Variants in MAN1A1 observed in about 807,000 individuals in gnomAD.
The protein encoded by MAN1A1 is mannosyl-oligosaccharide 1,2-alpha-mannosidase IA.
A neutral mutation model predicts 70.8 loss-of-function variants in MAN1A1; 29 were observed. The ratio of observed to expected loss-of-function variants is 0.41; its 90% CI spans 0.31 to 0.56. The LOEUF (loss-of-function observed/expected upper bound fraction) is 0.56, where lower values mean the gene tolerates loss of function less well. Ranked by LOEUF, MAN1A1 falls within the 20% of genes least tolerant of loss-of-function variation. MAN1A1 has a pLI of 0.29. For missense variants in MAN1A1, 747 were observed against 841.3 expected (o/e 0.89, Z 1.39); for synonymous variants, 349 against 330.1 (o/e 1.06, Z -0.62).
intron 2 of MAN1A1, among the ~76,000 whole-genome samples, chr6:119,328,427 C>G (rs1435507874): frequency 6.6e-6 from 1 of 152,224 alleles, no homozygotes; most frequent in Non-Finnish European, 1.5e-5. Flanking sequence ...TATATCTTCA[C>G]AGGGTTGGAC....
chr6:119,227,072 A>G (rs1328912783), intron 6 of MAN1A1, among the ~76,000 whole-genome samples: 3 of 152,250 alleles, frequency 2.0e-5, no homozygotes, highest in Non-Finnish European at 2.9e-5. Flanking sequence ...TATTCATACA[A>G]TGAAATACTA....
At chr6:119,250,512 C>T (rs1775286834) in intron 5 of MAN1A1, among the ~76,000 whole-genome samples, 1 of 152,154 alleles carries the variant, frequency 6.6e-6, no homozygotes, top group Non-Finnish European at 1.5e-5. Flanking sequence ...GACTTTAAGA[C>T]ACGTAGTAAA....
At chr6:119,347,331 T>C (rs1200910499) in intron 2 of MAN1A1, among the ~76,000 whole-genome samples, 1 of 152,214 alleles carries the variant, frequency 6.6e-6, no homozygotes, top group Non-Finnish European at 1.5e-5. Context: ...GATCAGGGAC[T>C]TCCTCTCCTG....
chr6:119,229,327 C>T (rs1774611753), intron 6 of MAN1A1, among the ~76,000 whole-genome samples: 1 of 152,028 alleles, frequency 6.6e-6, no homozygotes, highest in African/African-American at 2.4e-5. Flanking sequence ...AGCTCCATCC[C>T]AGAGATGAGC....
rs114760748 is a variant in MAN1A1 at position 119,284,383 on chromosome 6, C to T, written c.897+6300G>A. The stretch of plus-strand genomic sequence containing the variant: ...CTGCTGAGGGGGCCACTCAAACTCA[C>T]GGTCATCAAAACTTTCTGTCTCTTA... On this transcript the variant is annotated intron_variant, in intron 5 of 12. Coordinates refer to ENST00000368468, the MANE Select transcript of MAN1A1 (RefSeq NM_005907.4). 3.6e-3 allele frequency among the ~76,000 whole-genome samples: 546 copies of T among 152,190 alleles called. 3 individuals carry two copies. Among genetic ancestry groups the T allele is most frequent in the African/African-American group, 0.012 (507 of 41,526 alleles).
At chr6:119,209,267 T>C (rs1235955305) in intron 6 of MAN1A1, among the ~76,000 whole-genome samples, 1 of 152,140 alleles carries the variant, frequency 6.6e-6, no homozygotes, top group Non-Finnish European at 1.5e-5. Flanking sequence ...AGTTATAAAG[T>C]CTTGATTAGC....
In MAN1A1 at chr6:119,302,342, C is replaced by A. The variant is rs79414643; in HGVS notation, c.701-239G>T. ...TTCTGAGTTATAAAAATAAATGTCTCAGAAACTTCTCTTAGAAATTTCATT... is the reference window on the plus strand; with the variant it reads ...TTCTGAGTTATAAAAATAAATGTCTAAGAAACTTCTCTTAGAAATTTCATT... On this transcript the variant is annotated intron_variant, in intron 3 of 12. Coordinates refer to ENST00000368468, the MANE Select transcript of MAN1A1 (RefSeq NM_005907.4). Among the ~76,000 whole-genome samples, 312 of 152,018 alleles carry A rather than the reference C, an allele frequency of 2.1e-3. 2 individuals carry two copies. The highest frequency in any genetic ancestry group is 7.4e-3 in the African/African-American group (308 of 41,490).
chr6:119,305,501 A>C (rs944131878), intron 3 of MAN1A1, among the ~76,000 whole-genome samples: 1 of 150,954 alleles, frequency 6.6e-6, no homozygotes, highest in Non-Finnish European at 1.5e-5. Context: ...TCCTAAAAAC[A>C]CTACTTTAGA....
intron 5 of MAN1A1, among the ~76,000 whole-genome samples, chr6:119,256,630 C>T (rs960830403): frequency 6.6e-6 from 1 of 152,064 alleles, no homozygotes; most frequent in Non-Finnish European, 1.5e-5. Context: ...GTGGTCAAGG[C>T]TGCCTGGGAA....
chr6:119,226,815 T>C (rs1774528694), intron 6 of MAN1A1, among the ~76,000 whole-genome samples: 1 of 151,032 alleles, frequency 6.6e-6, no homozygotes, highest in Non-Finnish European at 1.5e-5. Flanking sequence ...GGATTACAGG[T>C]GTGAGCCACC....
chr6:119,349,832 G>C (rs1773856349), upstream of MAN1A1: 2 of 865,822 alleles, frequency 2.3e-6, no homozygotes, highest in Non-Finnish European at 2.8e-6. Context: ...CGGCGCGGCC[G>C]GGCCAATCAC....
chr6:119,237,109 T>C (rs1194199782), intron 6 of MAN1A1, among the ~76,000 whole-genome samples: 3 of 152,218 alleles, frequency 2.0e-5, no homozygotes, highest in African/African-American at 7.2e-5. Flanking sequence ...GAGGAGTTGC[T>C]TCTTATGGAG....
At chr6:119,343,575 T>C (rs548332737) in intron 2 of MAN1A1, among the ~76,000 whole-genome samples, 3 of 152,180 alleles carry the variant, frequency 2.0e-5, no homozygotes, top group African/African-American at 4.8e-5. Flanking sequence ...GGATAAGATA[T>C]AGTTCAATCA....
intron 5 of MAN1A1, among the ~76,000 whole-genome samples, chr6:119,254,622 T>C (rs1239716572): frequency 6.6e-6 from 1 of 152,196 alleles, no homozygotes; most frequent in Non-Finnish European, 1.5e-5. Flanking sequence ...GTTCATAAAA[T>C]GTAATCCTTG....
intron 8 of MAN1A1, among the ~76,000 whole-genome samples, chr6:119,195,959 A>G (rs908748348): frequency 2.0e-5 from 3 of 152,244 alleles, no homozygotes; most frequent in Non-Finnish European, 2.9e-5. Flanking sequence ...CTCATCAATA[A>G]TAAGCCCTGT....
intron 6 of MAN1A1, among the ~76,000 whole-genome samples, chr6:119,206,965 C>T (rs181794690): frequency 3.9e-5 from 6 of 152,168 alleles, no homozygotes; most frequent in African/African-American, 1.4e-4. Flanking sequence ...TCTTCAGGGA[C>T]TGGTTAAGTT....
chr6:119,220,891 A>G (rs776941474), intron 6 of MAN1A1, among the ~76,000 whole-genome samples: 1 of 152,194 alleles, frequency 6.6e-6, no homozygotes, highest in African/African-American at 2.4e-5. Context: ...ATTTGAAACA[A>G]CACGGCATTA....
chr6:119,201,324 C>T lies in MAN1A1; in HGVS notation c.1140G>A (p.Leu380=). 6.2e-7 allele frequency: 1 copy of T among 1,612,616 alleles called. No homozygotes were observed. The highest frequency in any genetic ancestry group is 1.7e-4 in the Middle Eastern group (1 of 6,052). Residue 380 remains leucine (L), a synonymous_variant, in exon 8 of 13, where the codon CTG becomes CTA. Coordinates refer to ENST00000368468, the MANE Select transcript of MAN1A1 (RefSeq NM_005907.4). ...AEKVMNIRTV[L]NKLEKPQGLY... ...GGCCTTGTGGTTTTTCCAGTTTGTT[C>T]AGTACTGTTCGAATATTCATTACCT...
intron 2 of MAN1A1, among the ~76,000 whole-genome samples, chr6:119,313,027 T>G (rs1291594161): frequency 6.6e-6 from 1 of 152,130 alleles, no homozygotes; most frequent in Non-Finnish European, 1.5e-5. Flanking sequence ...AGAGTCCTCC[T>G]AGGCTTCAGG....
Sources: gnomAD v4.1 joint callset for allele counts (sites outside exome capture counted in the v4.1 genomes callset) on GRCh38, gnomAD v4.1.1 for gene constraint, MANE v1.5 for transcripts, NCBI Gene and HGNC (gene_info 2026-07-23, HGNC 2026-07-21) for gene names.